PRKD3: variants seen among roughly 807,000 people sequenced by gnomAD.
PRKD3 encodes serine/threonine-protein kinase D3.
Under a neutral mutation model 99.2 loss-of-function variants are expected in PRKD3, and 47 were observed. The observed-to-expected ratio is 0.47, with a 90% confidence interval of 0.38 to 0.60. The LOEUF (loss-of-function observed/expected upper bound fraction) is 0.60. Among genes scored for constraint, PRKD3 ranks in the 20% least tolerant of loss-of-function variants. The pLI is 0.00. For synonymous variants in PRKD3, 392 were observed against 355.4 expected (o/e 1.10, Z -1.16); for missense variants, 1,019 against 1,088.4 (o/e 0.94, Z 0.90).
At position 37,260,270 on chromosome 2, in the gene PRKD3, C is replaced by T; in HGVS notation, c.1999G>A (p.Glu667Lys). 6.2e-7 allele frequency: 1 copy of T among 1,611,858 alleles called. No individual in the cohort carries two copies. The highest frequency in any genetic ancestry group is 8.5e-7 in the Non-Finnish European group (1 of 1,178,098). Residue 667 changes from glutamate to lysine, a missense_variant, in exon 15 of 19, where the codon GAG becomes AAG. Physicochemically the swap from Glu to Lys is moderately conservative, Grantham distance 56. Transcript: ENST00000234179. ...GDMLEMILSS[E>K]KSRLPERITK... ...ATTCGTTCTGGAAGCCGACTTTTCT[C>T]ACTGGATAGAATCATTTCCAACATA...
chr2:37,257,151 G>C (rs1197406091), intron 16 of PRKD3, among the ~76,000 whole-genome samples: 1 of 152,104 alleles, frequency 6.6e-6, no homozygotes, highest in Non-Finnish European at 1.5e-5. Flanking sequence ...AGCTTTCCTA[G>C]TACATATTTC....
chr2:37,282,571 T>G lies in PRKD3; in HGVS notation c.959A>C (p.Asp320Ala). The change falls in exon 7 of 19, where the codon GAC becomes GCC. Residue 320 changes from aspartate (D) to alanine (A), a missense_variant. Around this residue, in one of 3 missense-constraint regions of PRKD3, gnomAD observed 710 missense variants for 692.7 expected, o/e 1.02. Transcript: ENST00000234179. ...HKRCASKVPR[D>A]CLGEVTFNGE... is the part of the protein sequence containing the mutation. ...ATTGAAAGTAACCTCTCCAAGGCAG[T>G]CTCTTGGTACTTTTGATGCACAGCG... 1 of 1,601,402 alleles carries G rather than the reference T, an allele frequency of 6.2e-7. No individual in the cohort carries two copies. Among genetic ancestry groups the G allele is most frequent in the Non-Finnish European group, 8.6e-7 (1 of 1,168,664 alleles).
chr2:37,287,230 C>CAAAAAAAA lies in PRKD3; in HGVS notation c.718-869_718-862dup, dbSNP rs754092348. ...GGGCAACAAGAGCGAAACTCCATCT[C>CAAAAAAAA]AAAAAAAAAAAAAAAAAAAAAAAAA... On this transcript the variant is annotated intron_variant, in intron 5 of 18. Coordinates refer to ENST00000234179, the MANE Select transcript of PRKD3 (RefSeq NM_005813.6). 5.6e-4 allele frequency among the ~76,000 whole-genome samples: 30 copies of CAAAAAAAA among 53,650 alleles called. 3 individuals are homozygous for CAAAAAAAA. The highest frequency in any genetic ancestry group is 1.2e-3 in the African/African-American group (13 of 10,536). 35.2% of individuals were successfully genotyped at this position (53,650 alleles called of 152,430 possible).
intron 16 of PRKD3, among the ~76,000 whole-genome samples, chr2:37,258,670 C>A (rs2714471): frequency 0.028 from 4,214 of 152,120 alleles, 184 homozygotes; most frequent in African/African-American, 0.096. Context: ...ATCAGGCAAC[C>A]CTTTCGACCT....
Position 37,253,404 on chromosome 2 carries a change from C to G in PRKD3, c.2500-54G>C, listed in dbSNP as rs533306878. The stretch of plus-strand genomic sequence containing the variant: ...AACAAAAGAAACAAAATACTGTCAA[C>G]CTGGTTTTTGTTTTGTGTTTTTTTT... On this transcript the variant is annotated intron_variant, in intron 18 of 18. Coordinates refer to ENST00000234179, the MANE Select transcript of PRKD3 (RefSeq NM_005813.6). 6.7e-5 allele frequency: 99 copies of G among 1,485,642 alleles called. 1 individual carries two copies. The African/African-American group carries it at 1.1e-3, about 17-fold the overall frequency. 92.0% of individuals were successfully genotyped at this position (1,485,642 alleles called of 1,614,324 possible).
In PRKD3 at chr2:37,293,585, C is replaced by A. The variant is rs529355430; in HGVS notation, c.289-314G>T. ...ATCTTAAACTTACTGCTACTCCACT[C>A]TTAGCCTGAAAGATAAGCAGTCGTT... On this transcript the variant is annotated intron_variant, in intron 2 of 18. Transcript: ENST00000234179. 3.3e-5 allele frequency among the ~76,000 whole-genome samples: 5 copies of A among 152,354 alleles called. No individual in the cohort carries two copies. In the East Asian group the frequency reaches 9.6e-4, roughly 29 times the overall value.
intron 13 of PRKD3, chr2:37,268,568 T>C (rs975080240): frequency 7.7e-6 from 2 of 259,094 alleles, no homozygotes; most frequent in African/African-American, 4.6e-5. Context: ...GAGAAGTATG[T>C]TGGGTAGCAG....
chr2:37,299,804 C>G (rs1381143106), intron 2 of PRKD3, among the ~76,000 whole-genome samples: 1 of 152,114 alleles, frequency 6.6e-6, no homozygotes, highest in Non-Finnish European at 1.5e-5. Flanking sequence ...CATCACTAAT[C>G]ATCAGAGAAA....
intron 2 of PRKD3, among the ~76,000 whole-genome samples, chr2:37,300,224 T>A (rs1168701488): frequency 6.6e-6 from 1 of 152,044 alleles, no homozygotes; most frequent in Non-Finnish European, 1.5e-5. Context: ...TGCAACAACA[T>A]GGACAGAAGT....
intron 1 of PRKD3, among the ~76,000 whole-genome samples, chr2:37,317,399 C>T (rs1323166428): frequency 1.3e-5 from 2 of 152,124 alleles, no homozygotes; most frequent in Non-Finnish European, 2.9e-5. Context: ...GCACTCTACA[C>T]TGATACCTAA....
intron 12 of PRKD3, 101 bp from the exon 13 acceptor site, chr2:37,269,788 A>T: frequency 1.2e-6 from 1 of 811,878 alleles, no homozygotes; most frequent in Non-Finnish European, 1.9e-6. Flanking sequence ...TTTTTATGTT[A>T]GAAGCAGCTA....
intron 16 of PRKD3, among the ~76,000 whole-genome samples, chr2:37,257,716 C>T (rs993991274): frequency 6.6e-6 from 1 of 150,424 alleles, no homozygotes; most frequent in Non-Finnish European, 1.5e-5. Context: ...TAAAAACATC[C>T]CTTGTTTTGC....
chr2:37,320,798 A>G (rs1231336375), intron 1 of PRKD3, among the ~76,000 whole-genome samples: 1 of 152,212 alleles, frequency 6.6e-6, no homozygotes, highest in East Asian at 1.9e-4. Context: ...ACCTAGTAAT[A>G]TTAGCCAAAT....
At chr2:37,262,901 C>T (rs527457885) in intron 14 of PRKD3, among the ~76,000 whole-genome samples, 1 of 147,624 alleles carries the variant, frequency 6.8e-6, no homozygotes, top group Non-Finnish European at 1.5e-5. Context: ...TCCTTCCCCC[C>T]CCCGTATTTG....
chr2:37,283,763 G>C lies in PRKD3; in HGVS notation c.911-1144C>G, dbSNP rs776282216. On this transcript the variant is annotated intron_variant, in intron 6 of 18. Coordinates refer to ENST00000234179, the MANE Select transcript of PRKD3 (RefSeq NM_005813.6). Reference sequence around the variant, plus strand: ...GCACTTTGGGAGGCCAAGGCAGGTGGATCACTTGAAGCCAGGAGTTTGACA... The same window carrying C: ...GCACTTTGGGAGGCCAAGGCAGGTGCATCACTTGAAGCCAGGAGTTTGACA... 4.6e-5 allele frequency among the ~76,000 whole-genome samples: 7 copies of C among 152,106 alleles called. No homozygotes were observed. The South Asian group carries it at 8.3e-4, about 18-fold the overall frequency.
chr2:37,300,108 G>A (rs1670856168), intron 2 of PRKD3, among the ~76,000 whole-genome samples: 1 of 152,128 alleles, frequency 6.6e-6, no homozygotes. Context: ...AGCCACAACA[G>A]GGAATCAACC....
rs1236150532 is a variant in PRKD3, at chr2:37,281,203, C to A, written c.989-1274G>T. The stretch of plus-strand genomic sequence containing the variant: ...ATTACTAGTGAGTTTGAACATCTCA[C>A]TAGTAATCAAATGCACATTAAGATA... On this transcript the variant is annotated intron_variant, in intron 7 of 18. Coordinates refer to ENST00000234179, the MANE Select transcript of PRKD3 (RefSeq NM_005813.6). Among the ~76,000 whole-genome samples the A allele has an allele frequency of 3.3e-5, 5 of 152,036 alleles. No individual in the cohort carries two copies. The East Asian group carries it at 7.7e-4, about 23-fold the overall frequency.
At chr2:37,295,267 T>C (rs1272466222) in intron 2 of PRKD3, among the ~76,000 whole-genome samples, 1 of 151,788 alleles carries the variant, frequency 6.6e-6, no homozygotes, top group Non-Finnish European at 1.5e-5. Flanking sequence ...ATATATAGTA[T>C]AAGGCAAATA....
intron 6 of PRKD3, among the ~76,000 whole-genome samples, chr2:37,284,064 G>A (rs1334121977): frequency 1.3e-5 from 2 of 152,062 alleles, no homozygotes. Context: ...AAGCTACCTT[G>A]AAGTTTTTAC....
Sources: gnomAD v4.1 joint callset for allele counts (sites outside exome capture counted in the v4.1 genomes callset) on GRCh38, gnomAD v4.1.1 for gene constraint, gnomAD v4.1.1 regional missense constraint, MANE v1.5 for transcripts, NCBI Gene and HGNC (gene_info 2026-07-23, HGNC 2026-07-21) for gene names.